The following CMSS1 variants were observed in gnomAD, a reference collection of about 807,000 sequenced individuals.
CMSS1 encodes cms1 ribosomal small subunit homolog.
Under a neutral mutation model 43.5 loss-of-function variants are expected in CMSS1, and 33 were observed. That is an observed-to-expected ratio of 0.76 (90% CI 0.57 to 1.01). The LOEUF is 1.01. Among genes scored for constraint, CMSS1 ranks in the 50% least tolerant of loss-of-function variants. The pLI, the probability that CMSS1 is intolerant of heterozygous loss-of-function variation, is 0.00. For missense variants in CMSS1, 313 were observed against 326.4 expected, an observed-to-expected ratio of 0.96 and a Z score of 0.32; for synonymous variants, 115 against 117.2, an observed-to-expected ratio of 0.98 and a Z score of 0.12.
At chr3:100,077,490 G>C (rs2065867832) in intron 1 of CMSS1, among the ~76,000 whole-genome samples, 1 of 152,220 alleles carries the variant, frequency 6.6e-6, no homozygotes, top group African/African-American at 2.4e-5. Flanking sequence ...AAGGCAGTGT[G>C]TATTTAAGAT....
intron 1 of CMSS1, among the ~76,000 whole-genome samples, chr3:99,818,381 CTG>C (rs1346921263): frequency 6.6e-6 from 1 of 152,198 alleles, no homozygotes; most frequent in Non-Finnish European, 1.5e-5. Flanking sequence ...TCAATTCAGA[CTG>C]AGGTCAGAAG....
chr3:99,903,424 G>A (rs879841758), intron 1 of CMSS1, among the ~76,000 whole-genome samples: 2 of 152,124 alleles, frequency 1.3e-5, no homozygotes, highest in Admixed American at 1.3e-4. Context: ...GCTAATTTTT[G>A]TATTTTTAGT....
At chr3:100,157,559 G>A (rs1280754459) in intron 2 of CMSS1, among the ~76,000 whole-genome samples, 2 of 152,140 alleles carry the variant, frequency 1.3e-5, no homozygotes. Context: ...ACTCCCAAAC[G>A]TCACTCTCTG....
chr3:99,842,349 T>C (rs2107507767), intron 1 of CMSS1, among the ~76,000 whole-genome samples: 1 of 150,886 alleles, frequency 6.6e-6, no homozygotes. Flanking sequence ...GTGGGAGGGG[T>C]GTAAGGGATA....
chr3:99,985,498 A>G (rs1709312208), intron 1 of CMSS1, among the ~76,000 whole-genome samples: 1 of 152,164 alleles, frequency 6.6e-6, no homozygotes, highest in Admixed American at 6.5e-5. Flanking sequence ...ACCCTGTCTC[A>G]AAAAAACAAG....
chr3:100,170,531 T>C (rs866881967), intron 6 of CMSS1, among the ~76,000 whole-genome samples: 13 of 152,178 alleles, frequency 8.5e-5, no homozygotes, highest in South Asian at 2.1e-4. Flanking sequence ...AGTTGCCAGA[T>C]TGATGACATT....
intron 7 of CMSS1, 37 bp from the exon 8 acceptor site, chr3:100,172,279 G>A: frequency 6.4e-7 from 1 of 1,572,844 alleles, no homozygotes; most frequent in Non-Finnish European, 8.7e-7. Flanking sequence ...CTTTCTTAAT[G>A]ACTTCCTTTT....
chr3:100,091,126 A>G (rs531153710), intron 1 of CMSS1, among the ~76,000 whole-genome samples: 1 of 151,950 alleles, frequency 6.6e-6, no homozygotes, highest in Non-Finnish European at 1.5e-5. Flanking sequence ...TCTACTAAAA[A>G]TACAAAAACT....
At chr3:100,072,286 A>G (rs2065775632) in intron 1 of CMSS1, among the ~76,000 whole-genome samples, 1 of 152,212 alleles carries the variant, frequency 6.6e-6, no homozygotes, top group Non-Finnish European at 1.5e-5. Context: ...TAAAATTGAT[A>G]GGAGATAATT....
At position 100,024,724 on chromosome 3, in the gene CMSS1, G is replaced by A. The variant is rs576706569; in HGVS notation, c.65-122249G>A. ...TTCAGCATGTGTGGGCTCAGTCCTG[G>A]TTGAAACACAGGGATAGAATTGGTT... On this transcript the variant is annotated intron_variant, in intron 1 of 9. Transcript: ENST00000421999. Among the ~76,000 whole-genome samples the A allele has an allele frequency of 3.9e-5, 6 of 152,290 alleles. No individual in the cohort carries two copies. In the South Asian group the frequency reaches 8.3e-4, roughly 21 times the overall value.
At chr3:99,861,349 A>C (rs969009897) in intron 1 of CMSS1, among the ~76,000 whole-genome samples, 1 of 152,206 alleles carries the variant, frequency 6.6e-6, no homozygotes. Flanking sequence ...TCTAGGGAGA[A>C]GTATCCAAAA....
chr3:99,819,744 C>CAGTTTTTTT (rs966212896), intron 1 of CMSS1, among the ~76,000 whole-genome samples: 1 of 150,812 alleles, frequency 6.6e-6, no homozygotes, highest in African/African-American at 2.4e-5. Flanking sequence ...TACCAACCAA[C>CAGTTTTTTT]AGTTTTTTTT....
chr3:100,130,500 A>G (rs1056084390), intron 1 of CMSS1, among the ~76,000 whole-genome samples: 4 of 152,342 alleles, frequency 2.6e-5, no homozygotes, highest in Admixed American at 2.6e-4. Flanking sequence ...TGCTGCCTCC[A>G]GAACATACAA....
intron 1 of CMSS1, among the ~76,000 whole-genome samples, chr3:100,084,593 G>A (rs1247991321): frequency 6.6e-6 from 1 of 152,142 alleles, no homozygotes; most frequent in African/African-American, 2.4e-5. Context: ...CTTAAACAGA[G>A]CTTTATAAAG....
chr3:100,108,857 T>C (rs1405598860), intron 1 of CMSS1, among the ~76,000 whole-genome samples: 1 of 152,190 alleles, frequency 6.6e-6, no homozygotes, highest in Non-Finnish European at 1.5e-5. Flanking sequence ...AGGCTTGCTA[T>C]GTCTATCTGA....
intron 1 of CMSS1, among the ~76,000 whole-genome samples, chr3:100,069,249 C>A (rs1041084981): frequency 1.3e-5 from 2 of 152,048 alleles, no homozygotes; most frequent in African/African-American, 4.8e-5. Context: ...TAGTTGCATT[C>A]TTTCTATCAT....
chr3:99,875,997 C>T, intron 1 of CMSS1: 1 of 939,090 alleles, frequency 1.1e-6, no homozygotes. Flanking sequence ...GCTTTAACAG[C>T]CACCCACAGA....
chr3:99,983,480 A>ATGTGTG (rs1559713756), intron 1 of CMSS1, among the ~76,000 whole-genome samples: 2 of 22,486 alleles, frequency 8.9e-5, no homozygotes, highest in Non-Finnish European at 1.9e-4. Flanking sequence ...ATATATATAT[A>ATGTGTG]TATATATATA....
chr3:100,031,775 C>G (rs1045307731), intron 1 of CMSS1, among the ~76,000 whole-genome samples: 1 of 152,138 alleles, frequency 6.6e-6, no homozygotes, highest in Non-Finnish European at 1.5e-5. Flanking sequence ...CAAAGGGAAA[C>G]ACCCCACTAG....
Sources: allele counts gnomAD v4.1 joint callset (sites outside exome capture counted in the v4.1 genomes callset), GRCh38; gene constraint gnomAD v4.1.1; transcripts MANE v1.5; gene names NCBI Gene and HGNC (gene_info 2026-07-23, HGNC 2026-07-21).